The following SPAG17 variants were observed in gnomAD, a reference collection of about 807,000 sequenced individuals.
SPAG17 encodes the protein sperm associated antigen 17, also known as sperm-associated antigen 17.
SPAG17 carries 169 observed loss-of-function variants against 273.6 expected under a neutral mutation model. That is an observed-to-expected ratio of 0.62 (90% confidence interval 0.55 to 0.70). The LOEUF (loss-of-function observed/expected upper bound fraction) is 0.70, where lower values mean the gene tolerates loss of function less well. SPAG17 is among the 30% of genes least tolerant of loss of function. The pLI is 0.00. For synonymous variants in SPAG17, 825 were observed against 873.2 expected, an observed-to-expected ratio of 0.94 and a Z score of 0.97; for missense variants, 2,557 against 2,627.8, an observed-to-expected ratio of 0.97 and a Z score of 0.59.
intron 3 of SPAG17, among the ~76,000 whole-genome samples, chr1:118,148,336 G>C (rs751769597): frequency 1.6e-4 from 24 of 152,288 alleles, no homozygotes; most frequent in African/African-American, 5.3e-4. Context: ...CTGAGCAACA[G>C]CAAGAGTTGT....
At chr1:118,079,735 T>C (rs1654383144) in intron 15 of SPAG17, among the ~76,000 whole-genome samples, 1 of 152,184 alleles carries the variant, frequency 6.6e-6, no homozygotes, top group Non-Finnish European at 1.5e-5. Context: ...AAATATTTAT[T>C]TAAAGCTATA....
chr1:118,020,054 C>T (rs569390170), intron 28 of SPAG17, among the ~76,000 whole-genome samples: 1 of 152,184 alleles, frequency 6.6e-6, no homozygotes, highest in South Asian at 2.1e-4. Flanking sequence ...AAAAGTTATA[C>T]CGGTAAGGTA....
intron 20 of SPAG17, among the ~76,000 whole-genome samples, chr1:118,043,902 A>T (rs191932107): frequency 6.6e-6 from 1 of 152,306 alleles, no homozygotes; most frequent in Non-Finnish European, 1.5e-5. Context: ...CTTACTTGTT[A>T]ACATAAATAA....
chr1:118,005,525 A>T lies in SPAG17; in HGVS notation c.4665T>A (p.Asn1555Lys). The T allele has an allele frequency of 4.3e-6, 7 of 1,612,266 alleles. No individual in the cohort carries two copies. Among genetic ancestry groups the T allele is most frequent in the Non-Finnish European group, 5.9e-6 (7 of 1,179,044 alleles). ...CACGCTTTTGAAAAGGATAGTATAT[A>T]TTACTGCTTGACTCATGGCAGTACA... Reference protein sequence around the residue: ...SAVYCHESSSNIYYPFQKREQ... With the variant: ...SAVYCHESSSKIYYPFQKREQ... Residue 1555 changes from asparagine (N) to lysine (K), a missense_variant, in exon 32 of 49, where the codon AAT becomes AAA. By Grantham distance (94) the Asn-to-Lys change is moderately conservative (BLOSUM62 0). Coordinates refer to ENST00000336338, the MANE Select transcript of SPAG17 (RefSeq NM_206996.4).
intron 20 of SPAG17, among the ~76,000 whole-genome samples, chr1:118,044,535 A>C (rs1242054783): frequency 6.6e-6 from 1 of 152,220 alleles, no homozygotes; most frequent in Non-Finnish European, 1.5e-5. Flanking sequence ...TTAGATGGAC[A>C]ATCAACTTGT....
chr1:118,149,301 G>C (rs1659244573), intron 3 of SPAG17, among the ~76,000 whole-genome samples: 1 of 152,146 alleles, frequency 6.6e-6, no homozygotes, highest in African/African-American at 2.4e-5. Flanking sequence ...ATCCAAGTCA[G>C]AATGCCTGTC....
At chr1:118,065,285 C>G (rs1275843101) in intron 18 of SPAG17, among the ~76,000 whole-genome samples, 3 of 152,006 alleles carry the variant, frequency 2.0e-5, no homozygotes, top group African/African-American at 7.2e-5. Flanking sequence ...CATGAAGAGT[C>G]TAATAACCAT....
chr1:118,085,375 T>G (rs564369777), intron 13 of SPAG17, among the ~76,000 whole-genome samples: 1 of 152,322 alleles, frequency 6.6e-6, no homozygotes, highest in East Asian at 1.9e-4. Context: ...ATGGTCCAGG[T>G]TGCTCTTCCC....
chr1:118,167,993 C>A (rs1255647549), intron 1 of SPAG17, among the ~76,000 whole-genome samples: 1 of 152,212 alleles, frequency 6.6e-6, no homozygotes, highest in Non-Finnish European at 1.5e-5. Context: ...CCTCCTTTGC[C>A]TTCTCTGTTA....
chr1:117,999,533 G>T (rs1001123275), intron 32 of SPAG17, among the ~76,000 whole-genome samples: 11 of 152,350 alleles, frequency 7.2e-5, no homozygotes, highest in African/African-American at 2.4e-4. Flanking sequence ...ACTGGCATGT[G>T]ATGGTATCTC....
At chr1:118,180,462 G>A (rs779628861) in intron 1 of SPAG17, among the ~76,000 whole-genome samples, 3 of 152,034 alleles carry the variant, frequency 2.0e-5, no homozygotes, top group Non-Finnish European at 4.4e-5. Flanking sequence ...CCAGGGCATA[G>A]AGTTTGCTTA....
At chr1:118,075,730 C>T (rs999682804) in intron 15 of SPAG17, among the ~76,000 whole-genome samples, 16 of 152,160 alleles carry the variant, frequency 1.1e-4, no homozygotes, top group African/African-American at 3.9e-4. Context: ...TTAAGCACAA[C>T]TCTTTGACTC....
chr1:118,091,299 C>T (rs190005574), intron 10 of SPAG17, among the ~76,000 whole-genome samples: 129 of 152,186 alleles, frequency 8.5e-4, no homozygotes, highest in Non-Finnish European at 1.0e-3. Context: ...ACAACCTCAC[C>T]CACTTGTCCA....
At chr1:118,171,140 T>C (rs149425351) in intron 1 of SPAG17, among the ~76,000 whole-genome samples, 12 of 152,212 alleles carry the variant, frequency 7.9e-5, no homozygotes, top group African/African-American at 2.2e-4. Flanking sequence ...TGAGATGTTA[T>C]AGAAAAAATC....
At chr1:117,984,094 A>G (rs1270718864) in intron 41 of SPAG17, among the ~76,000 whole-genome samples, 181 bp from the exon 42 acceptor site, 4 of 152,188 alleles carry the variant, frequency 2.6e-5, no homozygotes, top group Non-Finnish European at 4.4e-5. Context: ...ACTAGTCATA[A>G]TTTCCTGTAA....
In SPAG17 at chr1:118,115,295, C is replaced by T; in HGVS notation, c.447+15G>A. 1 of 1,610,820 alleles carries T rather than the reference C, an allele frequency of 6.2e-7. No individual in the cohort carries two copies. On this transcript the variant is annotated intron_variant, in intron 4 of 48. Transcript: ENST00000336338. ...CACTTGCCCTCTTTAGAAAACCCAC[C>T]AGATCGTACAGTACCTTCTTTTCAT...
intron 40 of SPAG17, among the ~76,000 whole-genome samples, 198 bp downstream of exon 40, chr1:117,987,636 A>T (rs529177475): frequency 5.9e-5 from 9 of 152,296 alleles, no homozygotes; most frequent in African/African-American, 2.2e-4. Flanking sequence ...GAGGAAGAGG[A>T]TCTATCTAAT....
Position 118,093,198 on chromosome 1 carries a change from C to T in SPAG17, c.1131G>A (p.Val377=), listed in dbSNP as rs758555001. 6.2e-7 allele frequency: 1 copy of T among 1,613,560 alleles called. No homozygotes were observed. ...CTTCTAATACAGGTTTCTCATTAAC[C>T]ACTTGTGGAACATTAATAAGCTGCA... is the stretch of plus-strand genomic sequence containing the variant. ...ESMQLINVPQ[V]VNEKPVLEAM... Residue 377 remains valine, a synonymous_variant, in exon 8 of 49, where the codon GTG becomes GTA. Transcript: ENST00000336338.
chr1:117,991,669 C>T (rs112284550), intron 36 of SPAG17, 141 bp from the exon 37 acceptor site: 10,966 of 523,572 alleles, frequency 0.021, 137 homozygotes, highest in Middle Eastern at 0.027. Context: ...ACTAGTCAAA[C>T]AACCTGAAAA....
Sources: allele counts gnomAD v4.1 joint callset (sites outside exome capture counted in the v4.1 genomes callset), GRCh38; gene constraint gnomAD v4.1.1; transcripts MANE v1.5; gene names NCBI Gene and HGNC (gene_info 2026-07-23, HGNC 2026-07-21).